The following ATM variants were observed in gnomAD, a reference collection of about 807,000 sequenced individuals.
The protein encoded by ATM is ATM serine/threonine kinase.
Under a neutral mutation model 387.0 loss-of-function variants are expected in ATM, and 308 were observed. The ratio of observed to expected loss-of-function variants is 0.80; its 90% CI spans 0.73 to 0.87. The LOEUF (loss-of-function observed/expected upper bound fraction) is 0.87. Among genes scored for constraint, ATM ranks in the 40% least tolerant of loss-of-function variants. The pLI, the probability that ATM is intolerant of heterozygous loss-of-function variation, is 0.00. For synonymous variants in ATM, 1,156 were observed against 1,187.3 expected, an observed-to-expected ratio of 0.97 and a Z score of 0.54; for missense variants, 3,312 against 3,560.9, an observed-to-expected ratio of 0.93 and a Z score of 1.78.
chr11:108,309,175 G>A, intron 38 of ATM: 9 of 588,980 alleles, frequency 1.5e-5, no homozygotes, highest in South Asian at 4.7e-5. Context: ...CAGTATGTTG[G>A]GCAAAAACAA....
chr11:108,338,763 A>G (rs758068628), intron 56 of ATM, among the ~76,000 whole-genome samples: 1 of 152,210 alleles, frequency 6.6e-6, no homozygotes, highest in Non-Finnish European at 1.5e-5. Context: ...AGGTTTGACT[A>G]TTTCTTAGAA....
In ATM at chr11:108,310,345, A is replaced by G. The variant is rs751786087; in HGVS notation, c.5918+30A>G. 9 of 1,591,304 alleles carry G rather than the reference A, an allele frequency of 5.7e-6. No individual in the cohort carries two copies. The East Asian group carries it at 1.8e-4, about 32-fold the overall frequency. On this transcript the variant is annotated intron_variant, in intron 39 of 62. Transcript: ENST00000675843. ...TGGAATTTAGAATTTTTGGTTTTTAAAATTAATGTTGGCATTGTCTCAATA... is the reference window on the plus strand; with the variant it reads ...TGGAATTTAGAATTTTTGGTTTTTAGAATTAATGTTGGCATTGTCTCAATA...
chr11:108,359,328 A>C (rs1244277), intron 61 of ATM, among the ~76,000 whole-genome samples: 42 of 151,780 alleles, frequency 2.8e-4, no homozygotes, highest in African/African-American at 5.3e-4. Flanking sequence ...GAGACTTAGA[A>C]TCCCACACAT....
chr11:108,342,544 A>AG (rs1043469581), intron 56 of ATM, among the ~76,000 whole-genome samples: 3 of 152,158 alleles, frequency 2.0e-5, no homozygotes, highest in African/African-American at 7.2e-5. Context: ...TGATGGTGGG[A>AG]GGGACTTAGG....
chr11:108,289,944 A>C, intron 29 of ATM, 143 bp downstream of exon 29: 1 of 703,250 alleles, frequency 1.4e-6, no homozygotes, highest in Non-Finnish European at 2.4e-6. Flanking sequence ...TGCATCCTCA[A>C]CCTCCTGGGT....
At chr11:108,272,429 CAGAA>C in intron 20 of ATM, 99 bp from the exon 21 acceptor site, 1 of 982,840 alleles carries the variant, frequency 1.0e-6, no homozygotes, top group Non-Finnish European at 1.6e-6. Context: ...AAGTTTAGCA[CAGAA>C]AGACATATTG....
At position 108,259,006 on chromosome 11, in the gene ATM, A is replaced by G. The variant is rs1060504279; in HGVS notation, c.2397A>G (p.Ala799=). The G allele has an allele frequency of 1.2e-6, 2 of 1,613,716 alleles. No individual in the cohort carries two copies. Among genetic ancestry groups the G allele is most frequent in the Admixed American group, 1.7e-5 (1 of 60,010 alleles). The part of the protein sequence containing the change: ...NCTKKSPNKI[A]SGFFLRLLTS... ...TGCAGAAGAGTCCAAATAAGATTGC[A>G]TCTGGCTTTTTCCTGCGATTGTTAA... Residue 799 remains alanine, a synonymous_variant, in exon 16 of 63, where the codon GCA becomes GCG. Coordinates refer to ENST00000675843, the MANE Select transcript of ATM (RefSeq NM_000051.4).
chr11:108,255,995 G>A (rs2080453763), intron 13 of ATM, among the ~76,000 whole-genome samples: 1 of 151,926 alleles, frequency 6.6e-6, no homozygotes, highest in Non-Finnish European at 1.5e-5. Flanking sequence ...TATCCTGCTT[G>A]GCCATCAGGA....
At position 108,251,031 on chromosome 11, in the gene ATM, A is replaced by G; in HGVS notation, c.1566A>G (p.Glu522=). Residue 522 remains glutamate, a synonymous_variant, in exon 10 of 63, where the codon GAA becomes GAG. Transcript: ENST00000675843. ...IQGSLVEVDR[E]FWKLFTGSAC... ...GTAGTTTAGTTGAGGTTGACAGAGA[A>G]TTCTGGAAGTTATTTACTGGGTCAG... is the stretch of plus-strand genomic sequence containing the variant. 6.2e-7 allele frequency: 1 copy of G among 1,614,184 alleles called. No individual in the cohort carries two copies. Among genetic ancestry groups the G allele is most frequent in the Non-Finnish European group, 8.5e-7 (1 of 1,180,034 alleles).
rs564238520 is a variant in ATM, at chr11:108,272,805, T to C, written c.3237T>C (p.Ala1079=). 32 of 1,614,150 alleles carry C rather than the reference T, an allele frequency of 2.0e-5. No individual in the cohort carries two copies. The highest frequency in any genetic ancestry group is 5.3e-5 in the African/African-American group (4 of 75,062). ...ATGAAGTATTTACACAATTTCTTGC[T>C]GACAATCATCACCAAGTTCGCATGT... ...PVNEVFTQFL[A]DNHHQVRMLA... Residue 1079 remains alanine (A), a synonymous_variant, in exon 22 of 63, where the codon GCT becomes GCC. Transcript: ENST00000675843.
At chr11:108,354,070 AACACACACACAC>A (rs71047689) in intron 60 of ATM, among the ~76,000 whole-genome samples, 190 bp downstream of exon 60, 267 of 114,948 alleles carry the variant, frequency 2.3e-3, no homozygotes, top group African/African-American at 7.2e-3. Flanking sequence ...CACACACACA[AACACACACACAC>A]ACACACACAC....
At chr11:108,262,850 C>T (rs1273565488) in intron 16 of ATM, among the ~76,000 whole-genome samples, 3 of 146,432 alleles carry the variant, frequency 2.0e-5, no homozygotes, top group Non-Finnish European at 4.5e-5. Context: ...TCTGATAAAA[C>T]AGACTTTAAA....
intron 1 of ATM, chr11:108,223,543 G>A (rs1461282219): frequency 2.0e-5 from 3 of 152,238 alleles, no homozygotes; most frequent in African/African-American, 7.2e-5. Context: ...CAGCCTCGCG[G>A]TTAAGAGCTT....
intron 61 of ATM, 121 bp from the exon 62 acceptor site, chr11:108,364,961 G>T: frequency 1.8e-6 from 2 of 1,110,190 alleles, no homozygotes; most frequent in South Asian, 1.4e-5. Context: ...CATGATGTTT[G>T]TTCCCCTCCC....
intron 54 of ATM, among the ~76,000 whole-genome samples, chr11:108,334,736 G>C (rs956671959): frequency 6.6e-6 from 1 of 152,044 alleles, no homozygotes; most frequent in Non-Finnish European, 1.5e-5. Flanking sequence ...TTATGTTTTC[G>C]TGAGGAGTTA....
rs4987998 is a variant in ATM, at chr11:108,286,458, G to A, written c.3994-1142G>A. Among the ~76,000 whole-genome samples, 1,374 of 152,176 alleles carry A rather than the reference G, an allele frequency of 9.0e-3. 20 individuals carry two copies. Among genetic ancestry groups the A allele is most frequent in the African/African-American group, 0.031 (1,298 of 41,494 alleles). ...TGGGCCCTGAGCAAGTGGCTCAAGGGCCTGGTTACAGAATTTTCTGGGGTT... is the reference window on the plus strand; with the variant it reads ...TGGGCCCTGAGCAAGTGGCTCAAGGACCTGGTTACAGAATTTTCTGGGGTT... On this transcript the variant is annotated intron_variant, in intron 26 of 62. Transcript: ENST00000675843.
chr11:108,243,907 T>C lies in ATM; in HGVS notation c.497-46T>C, dbSNP rs188673123. The C allele has an allele frequency of 2.3e-5, 34 of 1,470,738 alleles. No individual in the cohort carries two copies. In the East Asian group the frequency reaches 5.0e-4, roughly 21 times the overall value. The allele number at this position is 1,470,738 out of a possible 1,614,324, so 91.1% of individuals were successfully genotyped here. On this transcript the variant is annotated intron_variant, in intron 5 of 62. Coordinates refer to ENST00000675843, the MANE Select transcript of ATM (RefSeq NM_000051.4). ...GTTAAATTGTAACATTTAATACATTTTGATTTTTAAAAAATCATGACTAAT... is the reference window on the plus strand; with the variant it reads ...GTTAAATTGTAACATTTAATACATTCTGATTTTTAAAAAATCATGACTAAT...
At chr11:108,260,781 G>A (rs1379410994) in intron 16 of ATM, among the ~76,000 whole-genome samples, 1 of 152,198 alleles carries the variant, frequency 6.6e-6, no homozygotes, top group Admixed American at 6.5e-5. Context: ...CAGTGGGTGT[G>A]CGCACCGTGC....
intron 16 of ATM, among the ~76,000 whole-genome samples, chr11:108,261,732 T>G (rs1484563526): frequency 5.3e-5 from 8 of 151,854 alleles, no homozygotes; most frequent in Admixed American, 4.6e-4. Flanking sequence ...TTGAAAACTT[T>G]GAAAAAAATT....
Sources: gnomAD v4.1 joint callset for allele counts (sites outside exome capture counted in the v4.1 genomes callset) on GRCh38, gnomAD v4.1.1 for gene constraint, MANE v1.5 for transcripts, NCBI Gene and HGNC (gene_info 2026-07-23, HGNC 2026-07-21) for gene names.